The following CDK19 variants were observed in gnomAD, a reference collection of about 807,000 sequenced individuals.
The protein encoded by CDK19 is cyclin-dependent kinase 19.
CDK19 carries 20 observed loss-of-function variants against 68.3 expected under a neutral mutation model. The observed-to-expected ratio is 0.29, with a 90% CI of 0.21 to 0.43. CDK19 has a LOEUF of 0.43. Ranked by LOEUF, CDK19 falls within the 20% of genes least tolerant of loss-of-function variation. The probability of loss-of-function intolerance (pLI) is 1.00; values close to 1 mark genes in which losing one functional copy is unlikely to be tolerated. For synonymous variants in CDK19, 221 were observed against 222.8 expected, an observed-to-expected ratio of 0.99 and a Z score of 0.07; for missense variants, 339 against 623.5, an observed-to-expected ratio of 0.54 and a Z score of 4.86.
intron 1 of CDK19, among the ~76,000 whole-genome samples, chr6:110,781,800 T>C (rs1213018509): frequency 2.7e-5 from 4 of 150,800 alleles, no homozygotes; most frequent in Non-Finnish European, 1.5e-5. Flanking sequence ...GCCAAGATCA[T>C]GTCACTGCCT....
chr6:110,685,884 T>TCC (rs1394709048), intron 2 of CDK19, among the ~76,000 whole-genome samples: 1 of 152,186 alleles, frequency 6.6e-6, no homozygotes, highest in Non-Finnish European at 1.5e-5. Flanking sequence ...AAGTGGGCTT[T>TCC]CCCCTGCAAA....
intron 1 of CDK19, among the ~76,000 whole-genome samples, chr6:110,805,878 A>G (rs775890412): frequency 3.3e-5 from 5 of 152,044 alleles, no homozygotes; most frequent in Non-Finnish European, 7.4e-5. Context: ...CCATGCTCCT[A>G]AAACAGTAGC....
chr6:110,642,408 CTAAG>C (rs1389411882), intron 4 of CDK19, among the ~76,000 whole-genome samples: 13 of 150,646 alleles, frequency 8.6e-5, no homozygotes, highest in African/African-American at 3.2e-4. Context: ...TGATCACAAA[CTAAG>C]TAACAGGCAG....
intron 2 of CDK19, among the ~76,000 whole-genome samples, chr6:110,684,608 G>A (rs118084121): frequency 1.3e-5 from 2 of 152,040 alleles, no homozygotes; most frequent in Non-Finnish European, 2.9e-5. Flanking sequence ...CCATGGACCT[G>A]AGCTTTAGCT....
In CDK19 at chr6:110,738,179, A is replaced by T. The variant is rs139933227; in HGVS notation, c.204+7947T>A. ...TCTATACTTTCATAAAGTTGCACGC[A>T]TATTTAAAAAGAAAAAGAAACTTGC... On this transcript the variant is annotated intron_variant, in intron 2 of 12. Coordinates refer to ENST00000368911, the MANE Select transcript of CDK19 (RefSeq NM_015076.5). 2.4e-3 allele frequency among the ~76,000 whole-genome samples: 364 copies of T among 152,252 alleles called. 5 individuals carry two copies. The highest frequency in any genetic ancestry group is 8.2e-3 in the African/African-American group (339 of 41,564).
chr6:110,616,446 T>C lies in CDK19; in HGVS notation c.1378-1780A>G, dbSNP rs533454246. ...ACTTTGGGAGGCTGAGCTGGGCAGA[T>C]CACCTGAGGTCAGGAGTTCAAGACC... On this transcript the variant is annotated intron_variant, in intron 12 of 12. Transcript: ENST00000368911. 2.0e-5 allele frequency among the ~76,000 whole-genome samples: 3 copies of C among 152,264 alleles called. No individual in the cohort carries two copies. In the South Asian group the frequency reaches 6.2e-4, roughly 32 times the overall value.
At chr6:110,801,453 C>T (rs1326584906) in intron 1 of CDK19, among the ~76,000 whole-genome samples, 1 of 152,120 alleles carries the variant, frequency 6.6e-6, no homozygotes, top group Non-Finnish European at 1.5e-5. Context: ...CCACTGCACT[C>T]CAGCCTCAGT....
At chr6:110,652,556 T>C (rs1781039074) in intron 4 of CDK19, among the ~76,000 whole-genome samples, 1 of 152,202 alleles carries the variant, frequency 6.6e-6, no homozygotes, top group Non-Finnish European at 1.5e-5. Flanking sequence ...AAAATAAAGA[T>C]AGTAAGATAA....
At chr6:110,790,740 A>T (rs1193135323) in intron 1 of CDK19, among the ~76,000 whole-genome samples, 1 of 152,182 alleles carries the variant, frequency 6.6e-6, no homozygotes, top group African/African-American at 2.4e-5. Context: ...TCTCTCTTTC[A>T]GAAAAACAAA....
chr6:110,692,377 G>A (rs1210656553), intron 2 of CDK19, among the ~76,000 whole-genome samples: 1 of 151,414 alleles, frequency 6.6e-6, no homozygotes, highest in African/African-American at 2.4e-5. Flanking sequence ...ACTAGAACAA[G>A]TAGAAGAAAG....
chr6:110,674,186 T>C (rs1477849725), intron 2 of CDK19, among the ~76,000 whole-genome samples: 1 of 152,212 alleles, frequency 6.6e-6, no homozygotes, highest in African/African-American at 2.4e-5. Flanking sequence ...GCAAACTTAA[T>C]CTATAAATGT....
chr6:110,807,609 A>G (rs1309384430), intron 1 of CDK19, among the ~76,000 whole-genome samples: 2 of 151,966 alleles, frequency 1.3e-5, no homozygotes, highest in African/African-American at 4.8e-5. Flanking sequence ...ACAGGTGTGT[A>G]CTACCACGCC....
At chr6:110,742,881 C>T (rs571857782) in intron 2 of CDK19, among the ~76,000 whole-genome samples, 30 of 152,224 alleles carry the variant, frequency 2.0e-4, no homozygotes, top group African/African-American at 5.5e-4. Flanking sequence ...CCTTGCCTTG[C>T]GATCTTTATT....
chr6:110,722,750 C>T (rs991064254), intron 2 of CDK19, among the ~76,000 whole-genome samples: 4 of 151,856 alleles, frequency 2.6e-5, no homozygotes, highest in African/African-American at 9.7e-5. Context: ...CCTGTAGTCC[C>T]AGCTACTAAG....
At chr6:110,723,097 G>A (rs1306336217) in intron 2 of CDK19, among the ~76,000 whole-genome samples, 1 of 143,420 alleles carries the variant, frequency 7.0e-6, no homozygotes, top group Non-Finnish European at 1.5e-5. Context: ...CCAATAGAAG[G>A]CTGTGGAAAT....
At position 110,706,411 on chromosome 6, in the gene CDK19, T is replaced by TG. The variant is rs1180518229; in HGVS notation, c.205-35871_205-35870insC. On this transcript the variant is annotated intron_variant, in intron 2 of 12. Transcript: ENST00000368911. ...ATGCTGGGTAACACTGTTGTTTTTT[T>TG]TTTGTTTGTTTTTTTTTTTTTGAGA... 19 of 86,240 alleles carry TG rather than the reference T, an allele frequency of 2.2e-4. 1 individual carries two copies. The highest frequency in any genetic ancestry group is 3.7e-4 in the Non-Finnish European group (14 of 38,278). The allele number at this position is 86,240 out of a possible 1,614,324, so 5.3% of individuals were successfully genotyped here.
At chr6:110,808,461 G>A (rs893803456) in intron 1 of CDK19, among the ~76,000 whole-genome samples, 2 of 152,144 alleles carry the variant, frequency 1.3e-5, no homozygotes, top group Admixed American at 6.5e-5. Flanking sequence ...ATTATCTGTC[G>A]ATGCTTTGGC....
chr6:110,729,483 C>T (rs188604905), intron 2 of CDK19, among the ~76,000 whole-genome samples: 16 of 152,268 alleles, frequency 1.1e-4, no homozygotes, highest in Non-Finnish European at 1.5e-5. Flanking sequence ...GGCTGTAGTG[C>T]AGTGGCACAA....
intron 1 of CDK19, among the ~76,000 whole-genome samples, chr6:110,803,847 T>C (rs1487569842): frequency 6.6e-6 from 1 of 152,104 alleles, no homozygotes; most frequent in Non-Finnish European, 1.5e-5. Flanking sequence ...AACATGCCTG[T>C]AGTCCCAGCT....
Sources: allele counts gnomAD v4.1 joint callset (sites outside exome capture counted in the v4.1 genomes callset), GRCh38; gene constraint gnomAD v4.1.1; transcripts MANE v1.5; gene names NCBI Gene and HGNC (gene_info 2026-07-23, HGNC 2026-07-21).